ADAM22: variants seen among roughly 807,000 people sequenced by gnomAD.
ADAM22 encodes the protein disintegrin and metalloproteinase domain-containing protein 22.
Under a neutral mutation model 144.6 loss-of-function variants are expected in ADAM22, and 65 were observed. The ratio of observed to expected loss-of-function variants is 0.45; its 90% CI spans 0.37 to 0.55. ADAM22 has a LOEUF of 0.55. Among genes scored for constraint, ADAM22 ranks in the 20% least tolerant of loss-of-function variants. ADAM22 has a pLI of 0.00. For missense variants in ADAM22, 974 were observed against 1,184.9 expected (o/e 0.82, Z 2.61); for synonymous variants, 391 against 412.6 (o/e 0.95, Z 0.63).
intron 14 of ADAM22, among the ~76,000 whole-genome samples, chr7:88,136,411 A>G (rs1042999678): frequency 6.6e-6 from 1 of 152,050 alleles, no homozygotes; most frequent in Non-Finnish European, 1.5e-5. Flanking sequence ...GCTTTCTCAC[A>G]TTTCTGAGGT....
intron 2 of ADAM22, among the ~76,000 whole-genome samples, chr7:87,952,065 T>C (rs1213259988): frequency 6.7e-6 from 1 of 150,166 alleles, no homozygotes; most frequent in African/African-American, 2.5e-5. Flanking sequence ...GTTTTCTAGA[T>C]ATACAATCAT....
At position 88,043,484 on chromosome 7, in the gene ADAM22, CA is replaced by C. The variant is rs537365074; in HGVS notation, c.324-32125del. On this transcript the variant is annotated intron_variant, in intron 3 of 31. Transcript: ENST00000413139. ...TGGGTGACTGAGCGAGGCTCAGTAT[CA>C]AAAAAAAAAAAAAAAAGAATATTCT... 9.2e-3 allele frequency among the ~76,000 whole-genome samples: 850 copies of C among 92,138 alleles called. 6 individuals are homozygous for C. The highest frequency in any genetic ancestry group is 0.025 in the East Asian group (88 of 3,470). The allele number at this position is 92,138 out of a possible 152,430, so 60.4% of individuals were successfully genotyped here.
chr7:88,092,291 T>G (rs1365653476), intron 4 of ADAM22, among the ~76,000 whole-genome samples: 2 of 152,080 alleles, frequency 1.3e-5, no homozygotes, highest in African/African-American at 4.8e-5. Flanking sequence ...CCCCCCTACC[T>G]CTTTTACCCT....
intron 3 of ADAM22, among the ~76,000 whole-genome samples, chr7:88,005,541 T>G (rs541129714): frequency 6.6e-6 from 1 of 152,246 alleles, no homozygotes; most frequent in South Asian, 2.1e-4. Flanking sequence ...ATTGACAGGC[T>G]CAGATCTTGA....
intron 8 of ADAM22, among the ~76,000 whole-genome samples, 154 bp from the exon 9 acceptor site, chr7:88,128,448 A>G (rs1206858139): frequency 4.6e-5 from 7 of 152,136 alleles, no homozygotes; most frequent in Middle Eastern, 6.8e-3. Flanking sequence ...TTTATTACCA[A>G]CTCAGAAACT....
At chr7:88,126,142 G>A (rs1830343034) in intron 8 of ADAM22, among the ~76,000 whole-genome samples, 1 of 151,978 alleles carries the variant, frequency 6.6e-6, no homozygotes, top group South Asian at 2.1e-4. Flanking sequence ...TGTTCGACTG[G>A]ATCTTGGACT....
intron 22 of ADAM22, among the ~76,000 whole-genome samples, chr7:88,158,894 GAAATAACCA>G (rs1840755661): frequency 3.3e-5 from 5 of 151,790 alleles, no homozygotes; most frequent in Admixed American, 3.3e-4. Flanking sequence ...CAGAAGACAA[GAAATAACCA>G]AAATCAGAGC....
At chr7:88,184,367 C>T (rs1847813110) in intron 29 of ADAM22, 1 of 437,876 alleles carries the variant, frequency 2.3e-6, no homozygotes, top group Non-Finnish European at 4.6e-6. Context: ...GCCCAGGGGG[C>T]TCTGACAGCC....
chr7:88,018,291 T>A (rs1467247608), intron 3 of ADAM22, among the ~76,000 whole-genome samples: 3 of 152,212 alleles, frequency 2.0e-5, no homozygotes, highest in Non-Finnish European at 2.9e-5. Flanking sequence ...CTTTGTTGTT[T>A]CATGTTGTTT....
intron 3 of ADAM22, among the ~76,000 whole-genome samples, chr7:87,979,596 T>C (rs183450837): frequency 2.1e-4 from 32 of 152,274 alleles, no homozygotes; most frequent in Non-Finnish European, 3.5e-4. Flanking sequence ...ATATTTGATA[T>C]TTTGATTATT....
At chr7:88,114,727 CT>C in intron 6 of ADAM22, 80 bp downstream of exon 6, 1 of 1,306,414 alleles carries the variant, frequency 7.7e-7, no homozygotes, top group Non-Finnish European at 1.1e-6. Context: ...TTTATCTCTA[CT>C]TTATTTCATT....
intron 3 of ADAM22, among the ~76,000 whole-genome samples, chr7:87,990,697 CTGTAGCCCA>C (rs1386550886): frequency 5.3e-5 from 8 of 151,946 alleles, no homozygotes; most frequent in Admixed American, 5.2e-4. Flanking sequence ...GAGTCTTGCT[CTGTAGCCCA>C]GGCTGGAGGG....
chr7:88,130,709 G>A (rs1367174681), intron 10 of ADAM22, among the ~76,000 whole-genome samples: 2 of 152,054 alleles, frequency 1.3e-5, no homozygotes, highest in Non-Finnish European at 2.9e-5. Flanking sequence ...TAAAAACAAA[G>A]GTTGTGTCAT....
At chr7:88,038,971 G>C (rs1350311371) in intron 3 of ADAM22, among the ~76,000 whole-genome samples, 1 of 151,594 alleles carries the variant, frequency 6.6e-6, no homozygotes, top group African/African-American at 2.4e-5. Context: ...TGTAGAGGTT[G>C]GTTTTCACTA....
chr7:88,190,900 C>T (rs1261793800), intron 30 of ADAM22, among the ~76,000 whole-genome samples: 1 of 151,958 alleles, frequency 6.6e-6, no homozygotes, highest in African/African-American at 2.4e-5. Flanking sequence ...AACCTTCCTG[C>T]TGGGCTTCTC....
chr7:88,122,708 A>AT (rs1172935017), intron 7 of ADAM22, among the ~76,000 whole-genome samples: 1 of 152,178 alleles, frequency 6.6e-6, no homozygotes, highest in Non-Finnish European at 1.5e-5. Context: ...GGATCCAGTA[A>AT]TGGGCCAGCT....
At chr7:88,172,911 T>C (rs973826620) in intron 26 of ADAM22, among the ~76,000 whole-genome samples, 3 of 152,032 alleles carry the variant, frequency 2.0e-5, no homozygotes, top group African/African-American at 7.2e-5. Flanking sequence ...CTAAGTTTGG[T>C]GAGTTTCTTT....
chr7:88,073,658 C>A (rs1038644254), intron 3 of ADAM22, among the ~76,000 whole-genome samples: 1 of 152,160 alleles, frequency 6.6e-6, no homozygotes, highest in Non-Finnish European at 1.5e-5. Flanking sequence ...GGTTGGTATA[C>A]CTGGGTTAGG....
At chr7:87,990,088 A>G (rs1209929974) in intron 3 of ADAM22, among the ~76,000 whole-genome samples, 1 of 152,020 alleles carries the variant, frequency 6.6e-6, no homozygotes, top group East Asian at 1.9e-4. Flanking sequence ...CCATCCATCA[A>G]GTGTATATAG....
Sources: gnomAD v4.1 joint callset for allele counts (sites outside exome capture counted in the v4.1 genomes callset) on GRCh38, gnomAD v4.1.1 for gene constraint, MANE v1.5 for transcripts, NCBI Gene and HGNC (gene_info 2026-07-23, HGNC 2026-07-21) for gene names.